THAP4: variants seen among roughly 807,000 people sequenced by gnomAD.
THAP4 encodes the protein peroxynitrite isomerase THAP4.
A neutral mutation model predicts 48.1 loss-of-function variants in THAP4; 18 were observed. The ratio of observed to expected loss-of-function variants is 0.37; its 90% CI spans 0.26 to 0.56. THAP4 has a LOEUF of 0.56. Among genes scored for constraint, THAP4 ranks in the 20% least tolerant of loss-of-function variants. The pLI is 0.78. For synonymous variants in THAP4, 345 were observed against 324.9 expected (o/e 1.06, Z -0.66); for missense variants, 656 against 774.9 (o/e 0.85, Z 1.82).
In THAP4 at chr2:241,606,606, C is replaced by CA. The variant is rs2067187340; in HGVS notation, c.1241-134_1241-133insT. The CA allele has an allele frequency of 1.0e-5, 9 of 870,906 alleles. 1 individual carries two copies. In the Admixed American group the frequency reaches 2.7e-4, roughly 26 times the overall value. 53.9% of individuals were successfully genotyped at this position (870,906 alleles called of 1,614,324 possible). A position where few individuals can be genotyped will look rare whatever the true frequency, so the allele number is the denominator to read the frequency against. ...CTAATCCTGGGGGACCTGTCAAGAG[C>CA]GGGAGAAAATGGTCAAGCAACTGTA... On this transcript the variant is annotated intron_variant, in intron 2 of 5. Transcript: ENST00000407315.
intron 2 of THAP4, among the ~76,000 whole-genome samples, chr2:241,631,547 C>T (rs900347703): frequency 6.6e-6 from 1 of 152,196 alleles, no homozygotes; most frequent in Non-Finnish European, 1.5e-5. Context: ...CTCACTACAG[C>T]CTCGACCTCC....
chr2:241,633,658 C>T lies in THAP4; in HGVS notation c.499G>A (p.Ala167Thr). The change falls in exon 2 of 6, where the codon GCC becomes ACC. Residue 167 changes from alanine to threonine, a missense_variant. Ala to Thr is a moderately conservative substitution (Grantham distance 58, BLOSUM62 0). Around this residue, in one of 4 missense-constraint regions of THAP4, gnomAD observed 391 missense variants for 412.4 expected, o/e 0.95. Coordinates refer to ENST00000407315, the MANE Select transcript of THAP4 (RefSeq NM_015963.6). This position sits in a 1 kb window ranked among gnomAD's most constrained non-coding sequence, Gnocchi z 7.5. ...GGAGTCCGTTCCAGAGCTTGCTGGG[C>T]CTGCTCCTGGCTGGCGGCCTCCTGG... ...AAQEAASQEQ[A>T]QQALERTPGD... The T allele has an allele frequency of 6.2e-7, 1 of 1,612,346 alleles. No homozygotes were observed. Among genetic ancestry groups the T allele is most frequent in the Admixed American group, 1.7e-5 (1 of 60,010 alleles).
Position 241,633,796 on chromosome 2 carries a change from T to C in THAP4, c.361A>G (p.Ser121Gly), listed in dbSNP as rs7424328. Residue 121 changes from serine (S) to glycine (G), a missense_variant, in exon 2 of 6, where the codon AGC (serine) becomes GGC (glycine). By Grantham distance (56) the Ser-to-Gly change is moderately conservative. Coordinates refer to ENST00000407315, the MANE Select transcript of THAP4 (RefSeq NM_015963.6). The surrounding 1 kb of genome is among the most constrained non-coding windows in gnomAD (Gnocchi z 7.5). ...GGTGACCAACCTGCAGCTCCTCTGC[T>C]GGTGGCGGCACTCGAGTGTCCCCTC... ...GVRGHSSAAT[S>G]RGAAGWSPSS... 0.49 allele frequency: 782,591 copies of C among 1,613,130 alleles called. 196,619 individuals carry two copies. The highest frequency in any genetic ancestry group is 0.9 in the East Asian group (40,209 of 44,824).
At position 241,607,301 on chromosome 2, in the gene THAP4, A is replaced by G. The variant is rs1166921936; in HGVS notation, c.1241-828T>C. On this transcript the variant is annotated intron_variant, in intron 2 of 5. Transcript: ENST00000407315. The stretch of plus-strand genomic sequence containing the variant: ...GGGACCCCTGCTTCCTGCCTCGCTC[A>G]GCAAGGACTGGGTGCTCCCGAGCGG... Among the ~76,000 whole-genome samples, 3 of 152,190 alleles carry G rather than the reference A, an allele frequency of 2.0e-5. No homozygotes were observed. The East Asian group carries it at 5.8e-4, about 30-fold the overall frequency.
At chr2:241,600,267 A>G (rs1166352861) in intron 5 of THAP4, among the ~76,000 whole-genome samples, 1 of 152,214 alleles carries the variant, frequency 6.6e-6, no homozygotes, top group Non-Finnish European at 1.5e-5. Flanking sequence ...TATGTATGAC[A>G]TTCCAAATCT....
At chr2:241,590,631 G>T (rs62192982) in intron 5 of THAP4, among the ~76,000 whole-genome samples, 198 of 3,602 alleles carry the variant, frequency 0.055, no homozygotes, top group Middle Eastern at 0.21. Flanking sequence ...ACTAGGACAC[G>T]CAGAGCTGCC....
At chr2:241,604,236 A>AATTT (rs201924569) in intron 3 of THAP4, among the ~76,000 whole-genome samples, 5,289 of 150,362 alleles carry the variant, frequency 0.035, 244 homozygotes, top group African/African-American at 0.1. Flanking sequence ...ACACCCGGCT[A>AATTT]ATTTATTTAT....
intron 2 of THAP4, among the ~76,000 whole-genome samples, chr2:241,623,926 T>C (rs1291308327): frequency 6.6e-6 from 1 of 152,182 alleles, no homozygotes; most frequent in East Asian, 1.9e-4. Context: ...CTGATACCAT[T>C]TGGGTGTCCT....
In THAP4 at chr2:241,603,092, T is replaced by C. The variant is rs758564749; in HGVS notation, c.1401-13A>G. 2.5e-6 allele frequency: 4 copies of C among 1,610,628 alleles called. No homozygotes were observed. The highest frequency in any genetic ancestry group is 1.3e-5 in the African/African-American group (1 of 74,884). The stretch of plus-strand genomic sequence containing the variant: ...GAAGGAGTTGAACCTGGACGGGAAG[T>C]TGGAGTTGAGAAGCCCAGGCACTGG... On this transcript the variant is annotated splice_polypyrimidine_tract_variant and intron_variant, in intron 3 of 5. Transcript: ENST00000407315.
chr2:241,604,916 A>G (rs1457404619), intron 3 of THAP4, among the ~76,000 whole-genome samples: 1 of 152,218 alleles, frequency 6.6e-6, no homozygotes, highest in Non-Finnish European at 1.5e-5. Context: ...GTACATGCTC[A>G]CTAACATAAC....
At chr2:241,589,439 C>T (rs1219564615) in intron 5 of THAP4, among the ~76,000 whole-genome samples, 1 of 152,178 alleles carries the variant, frequency 6.6e-6, no homozygotes, top group Non-Finnish European at 1.5e-5. Flanking sequence ...TCTGAATGTT[C>T]ATTTCACAAA....
intron 2 of THAP4, 72 bp from the exon 3 acceptor site, chr2:241,606,545 A>G: frequency 7.1e-7 from 1 of 1,401,608 alleles, no homozygotes; most frequent in Admixed American, 2.4e-5. Context: ...AGCAGAATGC[A>G]CGTTCCATAT....
chr2:241,633,752 C>G lies in THAP4; in HGVS notation c.405G>C (p.Pro135=), dbSNP rs201011278. 2 of 1,612,254 alleles carry G rather than the reference C, an allele frequency of 1.2e-6. No individual in the cohort carries two copies. Among genetic ancestry groups the G allele is most frequent in the Admixed American group, 3.3e-5 (2 of 59,994 alleles). ...AGWSPSSSGN[P]MAKPESRRLK... The stretch of plus-strand genomic sequence containing the variant: ...ACCTGCGGGACTCTGGCTTGGCCAT[C>G]GGGTTTCCACTCGAGGACGGTGACC... The change falls in exon 2 of 6, where the codon CCG becomes CCC. Residue 135 remains proline (P), a synonymous_variant. Transcript: ENST00000407315. This position sits in a 1 kb window ranked among gnomAD's most constrained non-coding sequence, Gnocchi z 7.5.
chr2:241,602,106 T>C, intron 4 of THAP4, 107 bp from the exon 5 acceptor site: 2 of 1,055,524 alleles, frequency 1.9e-6, no homozygotes, highest in African/African-American at 1.6e-5. Flanking sequence ...GCCCCAACTC[T>C]GCAGCTGTGG....
rs111162964 is a variant in THAP4 at position 241,620,380 on chromosome 2, G to T, written c.1240+12537C>A. Among the ~76,000 whole-genome samples, 187 of 122,744 alleles carry T rather than the reference G, an allele frequency of 1.5e-3. 4 individuals carry two copies. The highest frequency in any genetic ancestry group is 6.1e-3 in the African/African-American group (181 of 29,874). The allele number at this position is 122,744 out of a possible 152,430, so 80.5% of individuals were successfully genotyped here. A position where few individuals can be genotyped will look rare whatever the true frequency, so the allele number is the denominator to read the frequency against. On this transcript the variant is annotated intron_variant, in intron 2 of 5. Transcript: ENST00000407315. The stretch of plus-strand genomic sequence containing the variant: ...TGAGTCGGTGAGTGAGGGGTGAGGG[G>T]TGAGTGAGTCAGTGAGTGAGGGGAG...
intron 3 of THAP4, among the ~76,000 whole-genome samples, chr2:241,605,047 A>C (rs1489787077): frequency 6.6e-6 from 1 of 152,214 alleles, no homozygotes; most frequent in Non-Finnish European, 1.5e-5. Context: ...TAGTCACAAA[A>C]TTGACTTTCT....
chr2:241,613,120 G>A (rs976805250), intron 2 of THAP4, among the ~76,000 whole-genome samples: 1 of 151,924 alleles, frequency 6.6e-6, no homozygotes, highest in African/African-American at 2.4e-5. Flanking sequence ...AGACCTTTTC[G>A]ACAGTGCAGG....
chr2:241,587,771 C>T (rs796739706), intron 5 of THAP4, among the ~76,000 whole-genome samples: 19 of 151,904 alleles, frequency 1.3e-4, no homozygotes, highest in African/African-American at 3.9e-4. Flanking sequence ...CAAAATTAGC[C>T]GGGTGTGGTG....
chr2:241,611,768 C>CTGAA (rs925052114), intron 2 of THAP4, among the ~76,000 whole-genome samples: 3 of 151,890 alleles, frequency 2.0e-5, no homozygotes, highest in Admixed American at 2.0e-4. Flanking sequence ...CATGCTGCTC[C>CTGAA]TGAAGACCTT....
Sources: gnomAD v4.1 joint callset for allele counts (sites outside exome capture counted in the v4.1 genomes callset) on GRCh38, gnomAD v4.1.1 for gene constraint, gnomAD v4.1.1 regional missense constraint, Gnocchi (gnomAD v3.1) non-coding constraint, MANE v1.5 for transcripts, NCBI Gene and HGNC (gene_info 2026-07-23, HGNC 2026-07-21) for gene names.